The following CUX1 variants were observed in gnomAD, a reference collection of about 807,000 sequenced individuals.
CUX1 encodes protein CASP.
In CUX1, 31 loss-of-function variants were observed where a neutral mutation model predicts 158.8. The ratio of observed to expected loss-of-function variants is 0.20; its 90% CI spans 0.15 to 0.26. The LOEUF (loss-of-function observed/expected upper bound fraction) is 0.26. Ranked by LOEUF, CUX1 falls within the 10% of genes least tolerant of loss-of-function variation. The pLI is 1.00. For missense variants in CUX1, 1,589 were observed against 2,014.6 expected (o/e 0.79, Z 4.04); for synonymous variants, 879 against 862.1 (o/e 1.02, Z -0.34).
intron 2 of CUX1, among the ~76,000 whole-genome samples, chr7:101,958,844 CTTTTTTTTTTTTT>C (rs10667965): frequency 3.0e-5 from 2 of 65,816 alleles, no homozygotes; most frequent in South Asian, 7.2e-4. Context: ...AGATGATGCC[CTTTTTTTTTTTTT>C]TTTTTTTTTT....
intron 1 of CUX1, among the ~76,000 whole-genome samples, chr7:101,866,580 C>T (rs1183323487): frequency 6.6e-6 from 1 of 151,844 alleles, no homozygotes; most frequent in Non-Finnish European, 1.5e-5. Flanking sequence ...TGCAGTGAGT[C>T]ATGATCATAC....
intron 8 of CUX1, among the ~76,000 whole-genome samples, chr7:102,138,554 A>G (rs1428035733): frequency 6.6e-6 from 1 of 152,148 alleles, no homozygotes; most frequent in Non-Finnish European, 1.5e-5. Flanking sequence ...TCAAAACTAT[A>G]TATTTAAATT....
intron 22 of CUX1, among the ~76,000 whole-genome samples, chr7:102,238,126 G>A (rs368552847): frequency 5.3e-5 from 8 of 152,152 alleles, no homozygotes; most frequent in African/African-American, 1.7e-4. Context: ...AGATAACTGC[G>A]GGCAAGCCTG....
chr7:102,114,474 G>A (rs1831243086), intron 7 of CUX1, among the ~76,000 whole-genome samples: 1 of 152,052 alleles, frequency 6.6e-6, no homozygotes, highest in Admixed American at 6.6e-5. Context: ...ACAGAGTTTC[G>A]CCATTTTGGC....
chr7:102,254,469 C>T lies in CUX1; in HGVS notation c.*5427C>T. 1 of 985,536 alleles carries T rather than the reference C, an allele frequency of 1.0e-6. No individual in the cohort carries two copies. Among genetic ancestry groups the T allele is most frequent in the African/African-American group, 1.7e-5 (1 of 57,382 alleles). 61.0% of individuals were successfully genotyped at this position (985,536 alleles called of 1,614,324 possible). A position where few individuals can be genotyped will look rare whatever the true frequency, so the allele number is the denominator to read the frequency against. ...GCCCCGTCCACAGTGGCATCACCCT[C>T]TTATCCCAAAAGAATATGCCAGTTC... On this transcript the variant is annotated 3_prime_UTR_variant, in exon 24 of 24. Coordinates refer to ENST00000292535, the MANE Select transcript of CUX1 (RefSeq NM_181552.4).
chr7:102,196,936 A>G lies in CUX1; in HGVS notation c.1525A>G (p.Thr509Ala), dbSNP rs368614991. ...CGGAAGCACAAGCATGATTTTTTCA[A>G]CAGGTCCATACAGCACAAACTCCAT... is the stretch of plus-strand genomic sequence containing the variant. ...EAGSTSMIFS[T>A]GPYSTNSISS... Residue 509 changes from threonine to alanine, a missense_variant, in exon 15 of 24, where the codon ACA (threonine) becomes GCA (alanine). Around this residue, in one of 8 missense-constraint regions of CUX1, gnomAD observed 515 missense variants for 574.4 expected, o/e 0.90. Transcript: ENST00000292535. The G allele has an allele frequency of 1.9e-6, 3 of 1,614,212 alleles. No individual in the cohort carries two copies. Among genetic ancestry groups the G allele is most frequent in the African/African-American group, 2.7e-5 (2 of 75,050 alleles).
At chr7:102,128,598 C>T (rs918960889) in intron 8 of CUX1, among the ~76,000 whole-genome samples, 1 of 151,506 alleles carries the variant, frequency 6.6e-6, no homozygotes, top group African/African-American at 2.4e-5. Flanking sequence ...GTCGCAACAT[C>T]GTAAAGACCT....
chr7:101,820,802 C>G (rs1792382521), intron 1 of CUX1, among the ~76,000 whole-genome samples: 1 of 152,176 alleles, frequency 6.6e-6, no homozygotes, highest in African/African-American at 2.4e-5. Context: ...AGCTTAAACA[C>G]TCAAGCAATT....
intron 2 of CUX1, among the ~76,000 whole-genome samples, chr7:101,980,480 G>C (rs1813293581): frequency 6.6e-6 from 1 of 152,186 alleles, no homozygotes; most frequent in African/African-American, 2.4e-5. Flanking sequence ...CTGCAGTCCA[G>C]CCTGGGCGAC....
Position 102,250,579 on chromosome 7 carries a change from C to CT in CUX1, c.*1538dup, listed in dbSNP as rs1801401872. The CT allele has an allele frequency of 1.6e-5, 16 of 985,362 alleles. No individual in the cohort carries two copies. The highest frequency in any genetic ancestry group is 1.9e-5 in the Non-Finnish European group (16 of 829,932). The allele number at this position is 985,362 out of a possible 1,614,324, so 61.0% of individuals were successfully genotyped here. A position where few individuals can be genotyped will look rare whatever the true frequency, so the allele number is the denominator to read the frequency against. On this transcript the variant is annotated 3_prime_UTR_variant, in exon 24 of 24. Transcript: ENST00000292535. ...CATTCTGGGCTCCCCACTCCCATCC[C>CT]TGTAGAAATGGCCCAAACTCACACC...
chr7:101,990,361 CT>C (rs1236107444), intron 2 of CUX1, among the ~76,000 whole-genome samples: 1 of 142,800 alleles, frequency 7.0e-6, no homozygotes, highest in African/African-American at 2.6e-5. Flanking sequence ...GACCCCATCT[CT>C]TTTGTTTGTT....
intron 3 of CUX1, among the ~76,000 whole-genome samples, chr7:102,068,688 G>A (rs972479034): frequency 5.3e-5 from 8 of 152,138 alleles, no homozygotes; most frequent in African/African-American, 1.9e-4. Flanking sequence ...TAATTAAACC[G>A]CATCCTTTGC....
At chr7:102,089,022 C>CT (rs557636624) in intron 4 of CUX1, among the ~76,000 whole-genome samples, 496 of 151,540 alleles carry the variant, frequency 3.3e-3, no homozygotes, top group South Asian at 7.5e-3. Context: ...GGTTTACTAA[C>CT]TTTTTTTTTC....
At chr7:102,026,342 ATTTAAC>A (rs892080535) in intron 2 of CUX1, among the ~76,000 whole-genome samples, 29 of 152,302 alleles carry the variant, frequency 1.9e-4, no homozygotes, top group African/African-American at 5.5e-4. Flanking sequence ...TTCCAAATTT[ATTTAAC>A]TTTAAGTTAT....
chr7:101,876,115 G>A (rs1799103696), intron 1 of CUX1, among the ~76,000 whole-genome samples: 1 of 152,108 alleles, frequency 6.6e-6, no homozygotes, highest in Admixed American at 6.5e-5. Flanking sequence ...GGAGGCCGAA[G>A]TGGGTGGATC....
chr7:101,970,453 C>T (rs1354312643), intron 2 of CUX1, among the ~76,000 whole-genome samples: 3 of 152,122 alleles, frequency 2.0e-5, no homozygotes, highest in African/African-American at 7.2e-5. Flanking sequence ...CAAACCCCAC[C>T]GAGGTTTGCA....
chr7:102,095,464 G>A (rs1197479451), intron 4 of CUX1, among the ~76,000 whole-genome samples: 4 of 152,136 alleles, frequency 2.6e-5, no homozygotes, highest in African/African-American at 4.8e-5. Flanking sequence ...ATGATGGACT[G>A]TGTTGCTGTG....
rs538185684 is a variant in CUX1 at position 102,070,630 on chromosome 7, C to G, written c.268+213C>G. ...AATTGGATGCACTTGTTGAAGTACTCACGTAATCTCTAGGGGATGACTTCG... is the reference window on the plus strand; with the variant it reads ...AATTGGATGCACTTGTTGAAGTACTGACGTAATCTCTAGGGGATGACTTCG... On this transcript the variant is annotated intron_variant, in intron 4 of 23. Coordinates refer to ENST00000292535, the MANE Select transcript of CUX1 (RefSeq NM_181552.4). 5.9e-4 allele frequency among the ~76,000 whole-genome samples: 90 copies of G among 152,306 alleles called. No homozygotes were observed. In the South Asian group the frequency reaches 6.2e-3, roughly 11 times the overall value.
chr7:101,862,418 C>T (rs1797550812), intron 1 of CUX1, among the ~76,000 whole-genome samples: 1 of 152,102 alleles, frequency 6.6e-6, no homozygotes, highest in Admixed American at 6.6e-5. Context: ...CACCAGGCCA[C>T]CAGTGGCCTC....
Sources: allele counts gnomAD v4.1 joint callset (sites outside exome capture counted in the v4.1 genomes callset), GRCh38; gene constraint gnomAD v4.1.1; regional missense constraint gnomAD v4.1.1; transcripts MANE v1.5; gene names NCBI Gene and HGNC (gene_info 2026-07-23, HGNC 2026-07-21).